Variants in CDH4 observed in about 807,000 individuals in gnomAD.
The protein encoded by CDH4 is cadherin 4, also known as cadherin-4.
CDH4 carries 33 observed loss-of-function variants against 86.0 expected under a neutral mutation model. The ratio of observed to expected loss-of-function variants is 0.38; its 90% CI spans 0.29 to 0.51. The LOEUF is 0.51. Ranked by LOEUF, CDH4 falls within the 20% of genes least tolerant of loss-of-function variation. The probability of loss-of-function intolerance (pLI) is 0.86; values close to 1 mark genes in which losing one functional copy is unlikely to be tolerated. For missense variants in CDH4, 1,114 were observed against 1,307.4 expected (o/e 0.85, Z 2.28); for synonymous variants, 555 against 549.4 (o/e 1.01, Z -0.14).
Position 61,787,298 on chromosome 20 carries a change from G to C in CDH4, c.576+14116G>C, listed in dbSNP as rs868112684. Among the ~76,000 whole-genome samples, 6 of 152,312 alleles carry C rather than the reference G, an allele frequency of 3.9e-5. No individual in the cohort carries two copies. The South Asian group carries it at 1.2e-3, about 32-fold the overall frequency. Reference sequence around the variant, plus strand: ...GGTTTAATTGACTCACAGTTCAGCAGGTCTGGGGAGGCCTCAGGAAACTTA... The same window carrying C: ...GGTTTAATTGACTCACAGTTCAGCACGTCTGGGGAGGCCTCAGGAAACTTA... On this transcript the variant is annotated intron_variant, in intron 4 of 15. Transcript: ENST00000614565.
chr20:61,872,567 G>T (rs1384441623), intron 6 of CDH4, among the ~76,000 whole-genome samples: 1 of 152,234 alleles, frequency 6.6e-6, no homozygotes, highest in Non-Finnish European at 1.5e-5. Flanking sequence ...GGTAGAGGTT[G>T]CACCATCCCC....
At chr20:61,665,830 C>T (rs1371001240) in intron 2 of CDH4, among the ~76,000 whole-genome samples, 1 of 152,228 alleles carries the variant, frequency 6.6e-6, no homozygotes, top group Non-Finnish European at 1.5e-5. Context: ...TCCAGCAAAC[C>T]ACAGCTGCAT....
At chr20:61,500,040 T>C (rs2085689452) in intron 2 of CDH4, among the ~76,000 whole-genome samples, 2 of 152,192 alleles carry the variant, frequency 1.3e-5, no homozygotes, top group South Asian at 4.1e-4. Flanking sequence ...CTTGTTGCTA[T>C]GACAACAGCG....
chr20:61,307,717 G>T (rs1188210789), intron 2 of CDH4, among the ~76,000 whole-genome samples: 3 of 152,184 alleles, frequency 2.0e-5, no homozygotes, highest in Non-Finnish European at 4.4e-5. Context: ...TTCCTGGGTG[G>T]TCCTAGGTGT....
intron 2 of CDH4, among the ~76,000 whole-genome samples, chr20:61,685,718 A>G (rs1289408638): frequency 6.6e-6 from 1 of 152,244 alleles, no homozygotes; most frequent in Non-Finnish European, 1.5e-5. Context: ...GTCCGGACTC[A>G]GAGCATCCGA....
At chr20:61,659,386 A>G (rs2087226968) in intron 2 of CDH4, among the ~76,000 whole-genome samples, 1 of 151,860 alleles carries the variant, frequency 6.6e-6, no homozygotes, top group African/African-American at 2.4e-5. Flanking sequence ...ATGAAAAGAA[A>G]CAAAGAACAA....
intron 2 of CDH4, among the ~76,000 whole-genome samples, chr20:61,281,440 G>A (rs561606989): frequency 6.6e-6 from 1 of 152,316 alleles, no homozygotes; most frequent in Non-Finnish European, 1.5e-5. Flanking sequence ...CACCAGACAC[G>A]GAACCTGCCG....
intron 2 of CDH4, among the ~76,000 whole-genome samples, chr20:61,413,120 C>T (rs6587270): frequency 0.11 from 17,463 of 152,072 alleles, 1,457 homozygotes; most frequent in African/African-American, 0.24. Context: ...TCCTTCATGG[C>T]ACCCAAGGCC....
At chr20:61,809,849 G>T (rs541737408) in intron 4 of CDH4, among the ~76,000 whole-genome samples, 2 of 152,326 alleles carry the variant, frequency 1.3e-5, no homozygotes, top group East Asian at 3.9e-4. Flanking sequence ...GGACGGTGAG[G>T]TCGGAGCACA....
chr20:61,473,774 GAC>G (rs968141429), intron 2 of CDH4, among the ~76,000 whole-genome samples: 2 of 151,616 alleles, frequency 1.3e-5, no homozygotes, highest in African/African-American at 4.9e-5. Context: ...GACACACAAA[GAC>G]ACACACACAC....
intron 2 of CDH4, among the ~76,000 whole-genome samples, chr20:61,349,333 G>T (rs1330971240): frequency 6.6e-6 from 1 of 152,254 alleles, no homozygotes; most frequent in Non-Finnish European, 1.5e-5. Context: ...CAGCTCCGCA[G>T]CCGGGTGTGG....
intron 2 of CDH4, among the ~76,000 whole-genome samples, chr20:61,439,680 A>G (rs149912352): frequency 1.3e-5 from 2 of 152,334 alleles, no homozygotes; most frequent in Non-Finnish European, 2.9e-5. Context: ...GCAGGACTGT[A>G]TGAGTCAGAC....
At chr20:61,756,722 G>A (rs1274524572) in intron 3 of CDH4, among the ~76,000 whole-genome samples, 2 of 152,140 alleles carry the variant, frequency 1.3e-5, no homozygotes, top group Middle Eastern at 3.4e-3. Flanking sequence ...AGTTCCCCAG[G>A]GCTGGCTGGC....
chr20:61,589,206 T>G (rs1307959043), intron 2 of CDH4, among the ~76,000 whole-genome samples: 1 of 152,322 alleles, frequency 6.6e-6, no homozygotes, highest in Non-Finnish European at 1.5e-5. Flanking sequence ...CAAATAGGCT[T>G]CCCAGAGTGA....
chr20:61,584,763 CT>C (rs2086456993), intron 2 of CDH4, among the ~76,000 whole-genome samples: 1 of 152,162 alleles, frequency 6.6e-6, no homozygotes, highest in Non-Finnish European at 1.5e-5. Context: ...AAAGATAACC[CT>C]AAGGGGAAGG....
chr20:61,646,041 T>G (rs1203284786), intron 2 of CDH4, among the ~76,000 whole-genome samples: 1 of 152,202 alleles, frequency 6.6e-6, no homozygotes, highest in Non-Finnish European at 1.5e-5. Context: ...AGCCCCAGCA[T>G]GCAGTGAGCT....
rs528697961 is a variant in CDH4 at position 61,539,848 on chromosome 20, A to G, written c.170-203715A>G. On this transcript the variant is annotated intron_variant, in intron 2 of 15. Transcript: ENST00000614565. ...CTTGGCCGGAGCTGAGCACATGACTATGCCTCTCCAGAGGGTCTTGCCGAG... is the reference window on the plus strand; with the variant it reads ...CTTGGCCGGAGCTGAGCACATGACTGTGCCTCTCCAGAGGGTCTTGCCGAG... 3.9e-5 allele frequency among the ~76,000 whole-genome samples: 6 copies of G among 152,330 alleles called. No homozygotes were observed. The South Asian group carries it at 1.0e-3, about 26-fold the overall frequency.
At chr20:61,594,584 C>A (rs747188029) in intron 2 of CDH4, among the ~76,000 whole-genome samples, 53 of 152,202 alleles carry the variant, frequency 3.5e-4, no homozygotes, top group Non-Finnish European at 2.8e-4. Context: ...GAGGGTCCTT[C>A]CAACCCTAGA....
intron 2 of CDH4, among the ~76,000 whole-genome samples, chr20:61,656,133 C>A (rs952141186): frequency 6.6e-6 from 1 of 152,170 alleles, no homozygotes; most frequent in Non-Finnish European, 1.5e-5. Context: ...AACCACCCAC[C>A]GTGCTCTCTG....
Sources: allele counts gnomAD v4.1 joint callset (sites outside exome capture counted in the v4.1 genomes callset), GRCh38; gene constraint gnomAD v4.1.1; transcripts MANE v1.5; gene names NCBI Gene and HGNC (gene_info 2026-07-23, HGNC 2026-07-21).